The following CFAP54 variants were observed in gnomAD, a reference collection of about 807,000 sequenced individuals.
CFAP54 encodes cilia- and flagella-associated protein 54.
CFAP54 carries 290 observed loss-of-function variants against 370.4 expected under a neutral mutation model. The observed-to-expected ratio is 0.78, with a 90% CI of 0.71 to 0.86. The LOEUF (loss-of-function observed/expected upper bound fraction) is 0.86, where lower values mean the gene tolerates loss of function less well. Among genes scored for constraint, CFAP54 ranks in the 40% least tolerant of loss-of-function variants. The pLI is 0.00. For missense variants in CFAP54, 3,399 were observed against 3,528.7 expected (o/e 0.96, Z 0.93); for synonymous variants, 1,206 against 1,236.5 (o/e 0.98, Z 0.52).
intron 67 of CFAP54, among the ~76,000 whole-genome samples, chr12:96,865,802 T>C (rs1959989236): frequency 6.6e-6 from 1 of 152,114 alleles, no homozygotes; most frequent in Non-Finnish European, 1.5e-5. Flanking sequence ...TGGAACTGAG[T>C]AGTTCACATC....
At chr12:96,787,711 A>C (rs1291256561) in intron 62 of CFAP54, among the ~76,000 whole-genome samples, 1 of 152,216 alleles carries the variant, frequency 6.6e-6, no homozygotes, top group African/African-American at 2.4e-5. Flanking sequence ...GTCCCTGTAC[A>C]TATAGTCTCA....
Position 96,610,474 on chromosome 12 carries a change from G to A in CFAP54, c.3640-11116G>A, listed in dbSNP as rs571598941. On this transcript the variant is annotated intron_variant, in intron 26 of 67. Transcript: ENST00000524981. ...CTCCAGTCTACAGCTCCCAGTGTGAGCAATGCAGAAAATGGGTGATTTCTG... is the reference window on the plus strand; with the variant it reads ...CTCCAGTCTACAGCTCCCAGTGTGAACAATGCAGAAAATGGGTGATTTCTG... Among the ~76,000 whole-genome samples the A allele has an allele frequency of 2.6e-5, 4 of 152,282 alleles. No homozygotes were observed. In the South Asian group the frequency reaches 8.3e-4, roughly 32 times the overall value.
At chr12:96,565,576 ATAG>A (rs1253750194) in intron 19 of CFAP54, among the ~76,000 whole-genome samples, 1 of 152,142 alleles carries the variant, frequency 6.6e-6, no homozygotes, top group African/African-American at 2.4e-5. Flanking sequence ...ATTTAGCATA[ATAG>A]TATGCTAAAA....
At chr12:96,607,221 A>G (rs1253918790) in intron 26 of CFAP54, among the ~76,000 whole-genome samples, 1 of 152,184 alleles carries the variant, frequency 6.6e-6, no homozygotes, top group Non-Finnish European at 1.5e-5. Context: ...GGAAGAAAAA[A>G]GCAATTACTC....
chr12:96,869,545 G>A lies in CFAP54; in HGVS notation c.*15-5573G>A, dbSNP rs556675909. Among the ~76,000 whole-genome samples, 16 of 152,286 alleles carry A rather than the reference G, an allele frequency of 1.1e-4. No individual in the cohort carries two copies. In the East Asian group the frequency reaches 2.9e-3, roughly 28 times the overall value. ...AGTCGATATGGGAATACTATTTGAT[G>A]TATATATTTCTGGATTGGTGATTGA... On this transcript the variant is annotated intron_variant, in intron 67 of 67. Transcript: ENST00000524981.
rs1325442541 is a variant in CFAP54 at position 96,691,129 on chromosome 12, G to A, written c.6083G>A (p.Gly2028Asp). ...CCILSALLFQ[G>D]LLRTTLPHPK... Reference sequence around the variant, plus strand: ...TATTTCACTTTTTTTCATTTTCAGGGTTTGCTTAGAACAACACTTCCACAT... The same window carrying A: ...TATTTCACTTTTTTTCATTTTCAGGATTTGCTTAGAACAACACTTCCACAT... The change falls in exon 44 of 68, where the codon GGT becomes GAT. Residue 2028 changes from glycine (G) to aspartate (D), a missense_variant and splice_region_variant. Coordinates refer to ENST00000524981, the MANE Select transcript of CFAP54 (RefSeq NM_001306084.2). 6.2e-7 allele frequency: 1 copy of A among 1,610,498 alleles called. No homozygotes were observed. The highest frequency in any genetic ancestry group is 1.3e-5 in the African/African-American group (1 of 74,624).
intron 32 of CFAP54, among the ~76,000 whole-genome samples, chr12:96,634,492 C>T (rs1031980810): frequency 2.0e-5 from 3 of 151,828 alleles, no homozygotes; most frequent in Admixed American, 1.3e-4. Flanking sequence ...ATTCTAGATA[C>T]GAGGCCTTTG....
In CFAP54 at chr12:96,621,609, A is replaced by C; in HGVS notation, c.3659A>C (p.Glu1220Ala). The change falls in exon 27 of 68, where the codon GAA (glutamate) becomes GCA (alanine). Residue 1220 changes from glutamate to alanine, a missense_variant. By Grantham distance (107) the Glu-to-Ala change is moderately radical. Around this residue, in one of 3 missense-constraint regions of CFAP54, gnomAD observed 2,796 missense variants for 2,869.7 expected, o/e 0.97. Coordinates refer to ENST00000524981, the MANE Select transcript of CFAP54 (RefSeq NM_001306084.2). ...AATTAGATTCTTCGTTCATGGAGGG[A>C]ATATGACCTGGCAGTAATGATTATA... is the stretch of plus-strand genomic sequence containing the variant. ...YITKILRSWR[E>A]YDLAVMIINY... The C allele has an allele frequency of 6.7e-7, 1 of 1,495,968 alleles. No individual in the cohort carries two copies. Among genetic ancestry groups the C allele is most frequent in the Non-Finnish European group, 9.0e-7 (1 of 1,116,382 alleles). 92.7% of individuals were successfully genotyped at this position (1,495,968 alleles called of 1,614,324 possible). A position where few individuals can be genotyped will look rare whatever the true frequency, so the allele number is the denominator to read the frequency against.
rs974027891 is a variant in CFAP54, at chr12:96,837,717, C to T, written c.9171+8629C>T. Reference sequence around the variant, plus strand: ...CTAGTCCTGCCATTAACAGTGATTTCGAGGCCATTGATTTCAGTTATTTGT... The same window carrying T: ...CTAGTCCTGCCATTAACAGTGATTTTGAGGCCATTGATTTCAGTTATTTGT... On this transcript the variant is annotated intron_variant, in intron 66 of 67. Transcript: ENST00000524981. Among the ~76,000 whole-genome samples the T allele has an allele frequency of 2.2e-4, 34 of 152,316 alleles. 1 individual carries two copies. The highest frequency in any genetic ancestry group is 1.9e-3 in the Admixed American group (29 of 15,298).
intron 17 of CFAP54, among the ~76,000 whole-genome samples, chr12:96,555,323 T>C (rs1955740509): frequency 6.6e-6 from 1 of 151,906 alleles, no homozygotes. Context: ...TAGAGCTAAA[T>C]AGATTTATTC....
intron 66 of CFAP54, among the ~76,000 whole-genome samples, chr12:96,834,157 G>A (rs1048583494): frequency 6.6e-6 from 1 of 152,180 alleles, no homozygotes; most frequent in African/African-American, 2.4e-5. Context: ...AGAAAGTGAA[G>A]GTTGAAAGTG....
At chr12:96,659,904 C>G (rs1168904110) in intron 38 of CFAP54, among the ~76,000 whole-genome samples, 1 of 152,188 alleles carries the variant, frequency 6.6e-6, no homozygotes, top group Non-Finnish European at 1.5e-5. Flanking sequence ...CCAGTGGTAA[C>G]CTTGCCTCCT....
At chr12:96,573,063 C>T (rs1955939286) in intron 19 of CFAP54, 1 of 984,448 alleles carries the variant, frequency 1.0e-6, no homozygotes, top group Admixed American at 6.2e-5. Flanking sequence ...CAAAGGCAGT[C>T]TGCTTGACTA....
At chr12:96,671,982 G>GAAAGAAAGAAAGAA in intron 39 of CFAP54, among the ~76,000 whole-genome samples, 1 of 150,116 alleles carries the variant, frequency 6.7e-6, no homozygotes, top group Non-Finnish European at 1.5e-5. Flanking sequence ...GAGAGAGAGA[G>GAAAGAAAGAAAGAA]AAAGAAAGAA....
intron 46 of CFAP54, among the ~76,000 whole-genome samples, chr12:96,700,846 G>A (rs954665320): frequency 1.3e-5 from 2 of 152,098 alleles, no homozygotes; most frequent in Non-Finnish European, 2.9e-5. Context: ...GGGAGAGAGT[G>A]TGTGTGTGAG....
chr12:96,824,254 TCAG>T (rs1959062806), intron 65 of CFAP54, among the ~76,000 whole-genome samples: 2 of 152,100 alleles, frequency 1.3e-5, no homozygotes, highest in African/African-American at 4.8e-5. Context: ...CAACCTCCAG[TCAG>T]CCAATTTCAG....
chr12:96,618,694 C>T (rs974672533), intron 26 of CFAP54, among the ~76,000 whole-genome samples: 1 of 152,212 alleles, frequency 6.6e-6, no homozygotes, highest in Admixed American at 6.5e-5. Flanking sequence ...ATTTGGGACC[C>T]AGTGGAGGTT....
chr12:96,824,542 C>T (rs947519100), intron 65 of CFAP54, among the ~76,000 whole-genome samples: 1 of 152,084 alleles, frequency 6.6e-6, no homozygotes, highest in African/African-American at 2.4e-5. Flanking sequence ...ATTGGAAATA[C>T]AGATAAATAA....
intron 66 of CFAP54, 28 bp downstream of exon 66, chr12:96,829,116 C>G: frequency 8.1e-7 from 1 of 1,235,544 alleles, no homozygotes; most frequent in Non-Finnish European, 1.1e-6. Context: ...AAAATTGTAT[C>G]TAATTCACTC....
Sources: allele counts gnomAD v4.1 joint callset (sites outside exome capture counted in the v4.1 genomes callset), GRCh38; gene constraint gnomAD v4.1.1; regional missense constraint gnomAD v4.1.1; transcripts MANE v1.5; gene names NCBI Gene and HGNC (gene_info 2026-07-23, HGNC 2026-07-21).